Variants in PACRG observed in about 807,000 individuals in gnomAD.
PACRG encodes the protein parkin coregulated.
PACRG carries 29 observed loss-of-function variants against 29.7 expected under a neutral mutation model. That is an observed-to-expected ratio of 0.98 (90% CI 0.73 to 1.33). PACRG has a LOEUF of 1.33. Among genes scored for constraint, PACRG ranks in the 40% most tolerant of loss-of-function variants. PACRG has a pLI of 0.00. For missense variants in PACRG, 279 were observed against 316.2 expected (o/e 0.88, Z 0.89); for synonymous variants, 116 against 118.7 (o/e 0.98, Z 0.15).
intron 2 of PACRG, among the ~76,000 whole-genome samples, chr6:163,012,364 C>A (rs1805693642): frequency 6.6e-6 from 1 of 152,176 alleles, no homozygotes; most frequent in Non-Finnish European, 1.5e-5. Flanking sequence ...GCCAATGGAT[C>A]TTGAAGTGAA....
intron 1 of PACRG, among the ~76,000 whole-genome samples, chr6:162,750,076 G>T (rs1164173704): frequency 6.6e-6 from 1 of 152,098 alleles, no homozygotes; most frequent in Non-Finnish European, 1.5e-5. Flanking sequence ...TACAAACTAT[G>T]ATAGTACTTA....
At chr6:163,091,527 C>A (rs533444103) in intron 4 of PACRG, among the ~76,000 whole-genome samples, 1 of 152,172 alleles carries the variant, frequency 6.6e-6, no homozygotes, top group Non-Finnish European at 1.5e-5. Context: ...AATTATTTTT[C>A]TGCTTAACAT....
intron 1 of PACRG, among the ~76,000 whole-genome samples, chr6:162,788,760 A>C (rs1057304525): frequency 3.9e-5 from 6 of 152,194 alleles, no homozygotes; most frequent in African/African-American, 1.2e-4. Flanking sequence ...TATGGCATAT[A>C]ATGCGGAGCA....
intron 2 of PACRG, among the ~76,000 whole-genome samples, chr6:162,886,343 A>C (rs1399608098): frequency 6.6e-6 from 1 of 152,044 alleles, no homozygotes; most frequent in South Asian, 2.1e-4. Context: ...TGGCCTTCTC[A>C]TCATCCATCT....
rs111434275 is a variant in PACRG, at chr6:162,846,261, C to T, written c.291+31980C>T. Among the ~76,000 whole-genome samples the T allele has an allele frequency of 8.2e-3, 1,254 of 152,290 alleles. 16 individuals carry two copies. Among genetic ancestry groups the T allele is most frequent in the South Asian group, 0.036 (173 of 4,822 alleles). Reference sequence around the variant, plus strand: ...CCGCTGGGAGCAGCCCCAGGGAGCACAACTTCACAGGAACACGGTAGATTT... The same window carrying T: ...CCGCTGGGAGCAGCCCCAGGGAGCATAACTTCACAGGAACACGGTAGATTT... On this transcript the variant is annotated intron_variant, in intron 2 of 4. Coordinates refer to ENST00000366888, the MANE Select transcript of PACRG (RefSeq NM_001080379.2).
chr6:163,041,209 C>T (rs1268385917), intron 2 of PACRG, among the ~76,000 whole-genome samples: 10 of 152,036 alleles, frequency 6.6e-5, no homozygotes, highest in Admixed American at 2.0e-4. Context: ...TGGTGGCGGG[C>T]GCCTGTAGTC....
At chr6:163,267,293 C>T (rs73025004) in intron 4 of PACRG, among the ~76,000 whole-genome samples, 181 of 152,290 alleles carry the variant, frequency 1.2e-3, no homozygotes, top group Non-Finnish European at 2.2e-3. Context: ...TTCCTAACTG[C>T]ATGATTTATC....
At chr6:162,886,472 A>G (rs1301253636) in intron 2 of PACRG, among the ~76,000 whole-genome samples, 1 of 152,210 alleles carries the variant, frequency 6.6e-6, no homozygotes, top group Non-Finnish European at 1.5e-5. Context: ...TCATACAATC[A>G]CATGGCACGC....
intron 4 of PACRG, among the ~76,000 whole-genome samples, chr6:163,303,005 T>A (rs1465096598): frequency 6.6e-6 from 1 of 152,158 alleles, no homozygotes; most frequent in Non-Finnish European, 1.5e-5. Flanking sequence ...CGTTTCCCCA[T>A]AGTTTAATGT....
In PACRG at chr6:162,788,586, A is replaced by G. The variant is rs141687556; in HGVS notation, c.157-25561A>G. ...TGTTTAGTTTTGTAAGAAACTTGCAAACTGTCTTCCAAAGTGATGGCACCA... is the reference window on the plus strand; with the variant it reads ...TGTTTAGTTTTGTAAGAAACTTGCAGACTGTCTTCCAAAGTGATGGCACCA... On this transcript the variant is annotated intron_variant, in intron 1 of 4. Transcript: ENST00000366888. Among the ~76,000 whole-genome samples, 1,282 of 152,322 alleles carry G rather than the reference A, an allele frequency of 8.4e-3. 5 individuals carry two copies. The highest frequency in any genetic ancestry group is 0.02 in the Middle Eastern group (6 of 294).
At chr6:162,868,288 T>C (rs1051283163) in intron 2 of PACRG, among the ~76,000 whole-genome samples, 5 of 146,852 alleles carry the variant, frequency 3.4e-5, no homozygotes, top group East Asian at 1.9e-4. Context: ...CCTGGCCTTT[T>C]CCCCGCTATT....
chr6:163,186,721 ATG>A (rs1779954704), intron 4 of PACRG, among the ~76,000 whole-genome samples: 1 of 152,014 alleles, frequency 6.6e-6, no homozygotes, highest in Non-Finnish European at 1.5e-5. Flanking sequence ...AGACTAAAAC[ATG>A]AGGCTGTTCC....
intron 1 of PACRG, among the ~76,000 whole-genome samples, chr6:162,805,261 G>T (rs572076226): frequency 6.6e-5 from 10 of 152,162 alleles, no homozygotes; most frequent in Middle Eastern, 3.4e-3. Context: ...GAGTCACGTG[G>T]TTTTTTTGTT....
chr6:163,201,419 C>T (rs902179898), intron 4 of PACRG, among the ~76,000 whole-genome samples: 1 of 152,148 alleles, frequency 6.6e-6, no homozygotes, highest in African/African-American at 2.4e-5. Flanking sequence ...TAAAGAGATT[C>T]GGGTGTTCCC....
chr6:162,888,231 G>A (rs1794503544), intron 2 of PACRG, among the ~76,000 whole-genome samples: 1 of 152,002 alleles, frequency 6.6e-6, no homozygotes, highest in Non-Finnish European at 1.5e-5. Flanking sequence ...GGATGTCCGT[G>A]CTGGCCATCA....
chr6:162,790,197 G>T (rs990717469), intron 1 of PACRG, among the ~76,000 whole-genome samples: 2 of 152,086 alleles, frequency 1.3e-5, no homozygotes, highest in Non-Finnish European at 2.9e-5. Flanking sequence ...GCATAATGTT[G>T]GCATGAATGC....
chr6:162,887,895 G>A (rs1794467850), intron 2 of PACRG, among the ~76,000 whole-genome samples: 1 of 152,104 alleles, frequency 6.6e-6, no homozygotes, highest in South Asian at 2.1e-4. Flanking sequence ...TTGTCTGCTT[G>A]TGCTGCTATA....
intron 2 of PACRG, among the ~76,000 whole-genome samples, chr6:163,001,841 C>T (rs1357536691): frequency 6.6e-6 from 1 of 152,084 alleles, no homozygotes; most frequent in Non-Finnish European, 1.5e-5. Context: ...CCTAATGTGC[C>T]AAGACAGAAC....
Position 163,199,768 on chromosome 6 carries a change from C to T in PACRG, c.613+110360C>T, listed in dbSNP as rs567768458. On this transcript the variant is annotated intron_variant, in intron 4 of 4. Coordinates refer to ENST00000366888, the MANE Select transcript of PACRG (RefSeq NM_001080379.2). Reference sequence around the variant, plus strand: ...GCAGAACTCATTCTTTAACTTAGCCCCAGAGGCAACCACAATTCAGTGTGG... The same window carrying T: ...GCAGAACTCATTCTTTAACTTAGCCTCAGAGGCAACCACAATTCAGTGTGG... Among the ~76,000 whole-genome samples, 7 of 152,264 alleles carry T rather than the reference C, an allele frequency of 4.6e-5. No homozygotes were observed. The South Asian group carries it at 1.5e-3, about 32-fold the overall frequency.
Sources: allele counts gnomAD v4.1 joint callset (sites outside exome capture counted in the v4.1 genomes callset), GRCh38; gene constraint gnomAD v4.1.1; transcripts MANE v1.5; gene names NCBI Gene and HGNC (gene_info 2026-07-23, HGNC 2026-07-21).